The following AFG2A variants were observed in gnomAD, a reference collection of about 807,000 sequenced individuals.
The protein encoded by AFG2A is ATPase family gene 2 protein homolog A.
the AFG2A span, among the ~76,000 whole-genome samples, chr4:122,969,426 A>C: frequency 6.6e-6 from 1 of 152,132 alleles, no homozygotes; most frequent in Non-Finnish European, 1.5e-5. Flanking sequence ...CTCTGCCTCA[A>C]TGGTCTTTTA....
At chr4:122,944,984 C>T in the AFG2A span, among the ~76,000 whole-genome samples, 68 of 152,144 alleles carry the variant, frequency 4.5e-4, no homozygotes, top group African/African-American at 1.2e-3. Context: ...GCTGTCTGAT[C>T]GTTCCTCTGG....
At chr4:122,947,503 C>G in the AFG2A span, 1 of 1,585,188 alleles carries the variant, frequency 6.3e-7, no homozygotes. Context: ...GTGTGGTTTG[C>G]TATGGTGAGT....
chr4:122,971,635 C>A, the AFG2A span, among the ~76,000 whole-genome samples: 1 of 152,002 alleles, frequency 6.6e-6, no homozygotes, highest in Admixed American at 6.6e-5. Flanking sequence ...TTATCTCATT[C>A]TTGATTTAAT....
the AFG2A span, among the ~76,000 whole-genome samples, chr4:123,303,466 AC>A: frequency 6.6e-6 from 1 of 152,218 alleles, no homozygotes. Flanking sequence ...TATTTCAAAG[AC>A]CTCAAGATAA....
chr4:123,102,714 C>A, the AFG2A span, among the ~76,000 whole-genome samples: 1 of 151,536 alleles, frequency 6.6e-6, no homozygotes, highest in Non-Finnish European at 1.5e-5. Flanking sequence ...TTTAAAGTCA[C>A]TAGTAGAAGG....
At chr4:123,015,780 A>C in the AFG2A span, among the ~76,000 whole-genome samples, 1 of 139,846 alleles carries the variant, frequency 7.2e-6, no homozygotes, top group African/African-American at 2.6e-5. Context: ...GGTGCCCCTC[A>C]CCTCCCGGAC....
chr4:123,260,228 C>T, the AFG2A span: 1 of 152,094 alleles, frequency 6.6e-6, no homozygotes, highest in African/African-American at 2.4e-5. Context: ...TCTAGAAGAT[C>T]TTTTTAAAGC....
chr4:122,944,053 C>G, the AFG2A span, among the ~76,000 whole-genome samples: 3 of 152,242 alleles, frequency 2.0e-5, no homozygotes, highest in Admixed American at 6.5e-5. Flanking sequence ...ACCTTTCTCT[C>G]TGGCTGCTCT....
chr4:122,988,407 T>C, the AFG2A span, among the ~76,000 whole-genome samples: 13 of 150,462 alleles, frequency 8.6e-5, no homozygotes, highest in Non-Finnish European at 1.5e-4. Flanking sequence ...CTTTCTTTTT[T>C]TTTTTTTTTT....
the AFG2A span, among the ~76,000 whole-genome samples, chr4:122,939,075 CTTTTTTTTTTTTTT>C: frequency 5.9e-5 from 6 of 102,190 alleles, no homozygotes; most frequent in Non-Finnish European, 7.9e-5. Flanking sequence ...TATGTTCTTT[CTTTTTTTTTTTTTT>C]TTTTTTTTTT....
At chr4:123,031,867 T>C in the AFG2A span, among the ~76,000 whole-genome samples, 10 of 152,336 alleles carry the variant, frequency 6.6e-5, no homozygotes, top group African/African-American at 4.8e-5. Flanking sequence ...GCTTGGCTTG[T>C]GTGAGCTCTT....
At chr4:123,008,488 T>C in the AFG2A span, among the ~76,000 whole-genome samples, 29 of 152,298 alleles carry the variant, frequency 1.9e-4, no homozygotes, top group South Asian at 2.1e-3. Context: ...TTTTACTTTA[T>C]GATCAGAAAC....
the AFG2A span, among the ~76,000 whole-genome samples, chr4:123,047,319 G>T: frequency 6.6e-6 from 1 of 152,000 alleles, no homozygotes; most frequent in Admixed American, 6.6e-5. Flanking sequence ...AGATCATTGT[G>T]GTCTTGATTT....
chr4:123,282,736 T>C, the AFG2A span, among the ~76,000 whole-genome samples: 1 of 150,544 alleles, frequency 6.6e-6, no homozygotes, highest in African/African-American at 2.4e-5. Flanking sequence ...AATAGTTCAC[T>C]TGTTCAAAGA....
chr4:123,015,893 C>A, the AFG2A span, among the ~76,000 whole-genome samples: 1 of 42,254 alleles, frequency 2.4e-5, no homozygotes, highest in Admixed American at 2.6e-4. Context: ...GACGGGGCGG[C>A]TGGCCGGGCA....
chr4:123,108,384 TAA>T, the AFG2A span, among the ~76,000 whole-genome samples: 1 of 148,788 alleles, frequency 6.7e-6, no homozygotes, highest in Non-Finnish European at 1.5e-5. Context: ...AAAATGTACT[TAA>T]AAAAAAAAGC....
At chr4:123,041,837 T>A in the AFG2A span, among the ~76,000 whole-genome samples, 1 of 152,116 alleles carries the variant, frequency 6.6e-6, no homozygotes, top group Non-Finnish European at 1.5e-5. Context: ...CTGAAACAGT[T>A]TTTCAAAAAG....
At chr4:123,078,557 G>T in the AFG2A span, among the ~76,000 whole-genome samples, 1 of 152,118 alleles carries the variant, frequency 6.6e-6, no homozygotes, top group East Asian at 1.9e-4. Context: ...CTTAGTAGAA[G>T]AACTAATTTT....
the AFG2A span, among the ~76,000 whole-genome samples, chr4:122,924,208 A>T: frequency 6.6e-6 from 1 of 152,200 alleles, no homozygotes; most frequent in East Asian, 1.9e-4. Flanking sequence ...TCCCATTGAC[A>T]TGTAAACATG....
Sources: gnomAD v4.1 joint callset for allele counts (sites outside exome capture counted in the v4.1 genomes callset) on GRCh38, gnomAD v4.1.1 for gene constraint, MANE v1.5 for transcripts, NCBI Gene and HGNC (gene_info 2026-07-23, HGNC 2026-07-21) for gene names.